TDRD12: variants seen among roughly 807,000 people sequenced by gnomAD.
The protein encoded by TDRD12 is tudor domain containing 12.
Under a neutral mutation model 133.5 loss-of-function variants are expected in TDRD12, and 158 were observed. The observed-to-expected ratio is 1.18, with a 90% CI of 1.04 to 1.35. TDRD12 has a LOEUF of 1.35. Among genes scored for constraint, TDRD12 ranks in the 40% most tolerant of loss-of-function variants. The pLI is 0.00. For synonymous variants in TDRD12, 460 were observed against 477.9 expected (o/e 0.96, Z 0.49); for missense variants, 1,443 against 1,321.3 (o/e 1.09, Z -1.43).
chr19:32,815,533 T>C (rs1365011499), exon 26 of TDRD12: 5 of 1,536,196 alleles, frequency 3.3e-6, no homozygotes, highest in East Asian at 2.4e-5. Flanking sequence ...GGCATGGGCA[T>C]TGATAATCCA....
chr19:32,750,983 A>G (rs1969807932), intron 6 of TDRD12, among the ~76,000 whole-genome samples: 1 of 152,110 alleles, frequency 6.6e-6, no homozygotes, highest in Admixed American at 6.6e-5. Flanking sequence ...GTACCTGTGC[A>G]GGATGTGCAG....
intron 6 of TDRD12, among the ~76,000 whole-genome samples, chr19:32,750,716 C>G (rs1026903155): frequency 2.0e-5 from 3 of 152,224 alleles, no homozygotes; most frequent in Non-Finnish European, 4.4e-5. Flanking sequence ...TGGCCTGTGA[C>G]AGCTCCTCAG....
chr19:32,732,016 T>G, intron 2 of TDRD12, 133 bp downstream of exon 2: 1 of 905,578 alleles, frequency 1.1e-6, no homozygotes, highest in Non-Finnish European at 1.6e-6. Flanking sequence ...TGTTAGGTTT[T>G]TTTTTGAGAT....
chr19:32,734,282 T>A (rs568861672), intron 2 of TDRD12, among the ~76,000 whole-genome samples: 2 of 152,196 alleles, frequency 1.3e-5, no homozygotes, highest in African/African-American at 4.8e-5. Flanking sequence ...TGGATCAGTT[T>A]TCAACTTAGT....
rs1239809382 is a variant in TDRD12, at chr19:32,826,512, T to G, written c.964T>G (p.Cys322Gly). 3 of 1,251,886 alleles carry G rather than the reference T, an allele frequency of 2.4e-6. No individual in the cohort carries two copies. The African/African-American group carries it at 4.6e-5, about 19-fold the overall frequency. 77.5% of individuals were successfully genotyped at this position (1,251,886 alleles called of 1,614,324 possible). The change falls in exon 9 of 10, where the codon TGC becomes GGC. Residue 322 changes from cysteine (C) to glycine (G), a missense_variant. Cys to Gly is a radical substitution (Grantham distance 159, BLOSUM62 -3). Transcript: ENST00000637289. ...GCGGGGCAACATAAGGAAAGATGAC[T>G]GCCAATGTGTGATTAGAAACGATGA...
chr19:32,811,309 G>A, exon 24 of TDRD12: 1 of 1,536,056 alleles, frequency 6.5e-7, no homozygotes, highest in Non-Finnish European at 8.7e-7. Context: ...TCGTCACAAG[G>A]GACCAGCTGC....
At chr19:32,777,009 C>T (rs1970602381) in intron 10 of TDRD12, 140 bp from the exon 11 acceptor site, 19 of 581,658 alleles carry the variant, frequency 3.3e-5, no homozygotes, top group South Asian at 2.3e-4. Flanking sequence ...CCACCTTGGC[C>T]TCCCGAGTTG....
At chr19:32,745,751 CTGTG>C (rs1203104331) in intron 4 of TDRD12, among the ~76,000 whole-genome samples, 1 of 120,624 alleles carries the variant, frequency 8.3e-6, no homozygotes, top group African/African-American at 3.5e-5. Flanking sequence ...TGTGGTTATT[CTGTG>C]TGTGTGTGAG....
intron 21 of TDRD12, 36 bp downstream of exon 21, chr19:32,803,178 A>T: frequency 7.2e-7 from 1 of 1,389,220 alleles, no homozygotes; most frequent in Non-Finnish European, 9.6e-7. Context: ...AAACTGATGT[A>T]TAACCTGCAG....
Position 32,757,118 on chromosome 19 carries a change from G to A in TDRD12, c.853G>A (p.Ala285Thr), listed in dbSNP as rs1442618813. The change falls in exon 8 of 28, where the codon GCC becomes ACC. Residue 285 changes from alanine (A) to threonine (T), a missense_variant. Coordinates refer to ENST00000444215, the Ensembl canonical transcript of TDRD12. ...TATTGTCGGTGACCTCAGGCCAACA[G>A]CCACAGCACAGGGTGAGTTCTGCTA... 7 of 1,551,562 alleles carry A rather than the reference G, an allele frequency of 4.5e-6. No homozygotes were observed. In the Admixed American group the frequency reaches 9.8e-5, roughly 22 times the overall value.
At chr19:32,792,261 G>T (rs951787449) in intron 13 of TDRD12, among the ~76,000 whole-genome samples, 2 of 151,748 alleles carry the variant, frequency 1.3e-5, no homozygotes, top group Admixed American at 1.3e-4. Context: ...AAAAAAGACC[G>T]AAACAAACTC....
chr19:32,752,862 G>A (rs549866600), intron 6 of TDRD12, among the ~76,000 whole-genome samples: 45 of 143,982 alleles, frequency 3.1e-4, no homozygotes, highest in South Asian at 1.3e-3. Flanking sequence ...GCGCGATCTC[G>A]GCTCACTGCA....
At chr19:32,826,855 T>C (rs1173614283) in intron 9 of TDRD12, 106 bp downstream of exon 32, 4 of 676,408 alleles carry the variant, frequency 5.9e-6, no homozygotes, top group Non-Finnish European at 2.1e-6. Context: ...GGACCGTTCA[T>C]GTCAAGCCCT....
At chr19:32,767,734 C>G (rs891843778) in intron 8 of TDRD12, among the ~76,000 whole-genome samples, 2 of 152,152 alleles carry the variant, frequency 1.3e-5, no homozygotes, top group Non-Finnish European at 2.9e-5. Context: ...GGTGCTTTCT[C>G]TCTCATTTCT....
At position 32,798,478 on chromosome 19, in the gene TDRD12, G is replaced by C. The variant is rs748195456; in HGVS notation, c.1758+43G>C. 3.4e-6 allele frequency: 5 copies of C among 1,470,704 alleles called. No homozygotes were observed. In the South Asian group the frequency reaches 6.6e-5, roughly 19 times the overall value. The allele number at this position is 1,470,704 out of a possible 1,614,324, so 91.1% of individuals were successfully genotyped here. A position where few individuals can be genotyped will look rare whatever the true frequency, so the allele number is the denominator to read the frequency against. ...TCCTCAGCACTCAGAAGAGAGGCGTGATTAACATGCTAACTGATGGCAGGA... is the reference window on the plus strand; with the variant it reads ...TCCTCAGCACTCAGAAGAGAGGCGTCATTAACATGCTAACTGATGGCAGGA... On this transcript the variant is annotated intron_variant, in intron 16 of 27. Coordinates refer to ENST00000444215, the Ensembl canonical transcript of TDRD12.
chr19:32,802,277 TATC>T (rs1971421834), intron 19 of TDRD12, among the ~76,000 whole-genome samples: 1 of 149,334 alleles, frequency 6.7e-6, no homozygotes, highest in South Asian at 2.1e-4. Flanking sequence ...TGATCATATA[TATC>T]ATGATAGTGA....
intron 14 of TDRD12, among the ~76,000 whole-genome samples, 165 bp from the exon 15 acceptor site, chr19:32,797,570 A>G (rs1971266353): frequency 6.6e-6 from 1 of 152,196 alleles, no homozygotes. Context: ...ATGTGTCTAA[A>G]TCTGTTTTAA....
At chr19:32,788,346 A>G (rs1443888709) in intron 11 of TDRD12, among the ~76,000 whole-genome samples, 1 of 151,974 alleles carries the variant, frequency 6.6e-6, no homozygotes, top group Non-Finnish European at 1.5e-5. Context: ...TCCTGACCTC[A>G]AGTGATCTGC....
At chr19:32,800,082 A>G (rs1386378676) in intron 16 of TDRD12, 85 bp from the exon 17 acceptor site, 4 of 845,078 alleles carry the variant, frequency 4.7e-6, no homozygotes, top group Non-Finnish European at 7.1e-6. Flanking sequence ...AACAGAAAAT[A>G]TACAAACCCT....
Sources: gnomAD v4.1 joint callset for allele counts (sites outside exome capture counted in the v4.1 genomes callset) on GRCh38, gnomAD v4.1.1 for gene constraint, MANE v1.5 for transcripts, NCBI Gene and HGNC (gene_info 2026-07-23, HGNC 2026-07-21) for gene names.